Variants in FGFR3 observed in about 807,000 individuals in gnomAD.
FGFR3 encodes FGFR-3.
In FGFR3, 25 loss-of-function variants were observed where a neutral mutation model predicts 82.9. The ratio of observed to expected loss-of-function variants is 0.30; its 90% CI spans 0.22 to 0.42. The LOEUF is 0.42. Among genes scored for constraint, FGFR3 ranks in the 10% least tolerant of loss-of-function variants. The probability of loss-of-function intolerance (pLI) is 1.00; values close to 1 mark genes in which losing one functional copy is unlikely to be tolerated. For synonymous variants in FGFR3, 620 were observed against 516.0 expected (o/e 1.20, Z -2.73); for missense variants, 1,026 against 1,161.0 (o/e 0.88, Z 1.69).
chr4:1,806,486 G>A (rs953651380), intron 15 of FGFR3, 60 bp from the exon 16 acceptor site: 2 of 1,612,014 alleles, frequency 1.2e-6, no homozygotes, highest in South Asian at 2.2e-5. Flanking sequence ...TTCCCCTGGT[G>A]CCCGCCCAGG....
Position 1,807,400 on chromosome 4 carries a change from CGTGTGTGT to C in FGFR3, c.*150_*157del, listed in dbSNP as rs34562534. 12 of 886,312 alleles carry C rather than the reference CGTGTGTGT, an allele frequency of 1.4e-5. No individual in the cohort carries two copies. Among genetic ancestry groups the C allele is most frequent in the South Asian group, 3.0e-5 (2 of 67,110 alleles). 54.9% of individuals were successfully genotyped at this position (886,312 alleles called of 1,614,324 possible). On this transcript the variant is annotated 3_prime_UTR_variant, in exon 18 of 18. Coordinates refer to ENST00000440486, the MANE Select transcript of FGFR3 (RefSeq NM_000142.5). ...GCTTTGGTCTGTGTGTGTGTGTGTG[CGTGTGTGT>C]GTGTGTGTGTGCACATCCGCGTGTG... is the stretch of plus-strand genomic sequence containing the variant.
intron 16 of FGFR3, 43 bp downstream of exon 16, chr4:1,806,726 G>C: frequency 6.2e-7 from 1 of 1,607,790 alleles, no homozygotes; most frequent in African/African-American, 1.3e-5. Context: ...TCAGGGGTGG[G>C]GGTCCCTCCG....
chr4:1,800,991 A>T (rs1721105659), intron 4 of FGFR3, among the ~76,000 whole-genome samples: 1 of 152,100 alleles, frequency 6.6e-6, no homozygotes. Context: ...TCTCCTGGTA[A>T]ACTGCTCCCA....
chr4:1,794,135 G>C, intron 2 of FGFR3, 92 bp downstream of exon 2: 1 of 637,148 alleles, frequency 1.6e-6, no homozygotes, highest in Non-Finnish European at 2.3e-6. Flanking sequence ...AGGGGCCGCC[G>C]GGTGTGAGTG....
At chr4:1,801,174 C>T (rs1329733817) in intron 4 of FGFR3, among the ~76,000 whole-genome samples, 193 bp from the exon 5 acceptor site, 1 of 152,198 alleles carries the variant, frequency 6.6e-6, no homozygotes, top group African/African-American at 2.4e-5. Context: ...AGGGGACACA[C>T]GGCCCAGCTC....
At chr4:1,804,234 G>A in intron 8 of FGFR3, 96 bp from the exon 9 acceptor site, 8 of 1,400,336 alleles carry the variant, frequency 5.7e-6, no homozygotes, top group South Asian at 1.4e-5. Flanking sequence ...GCCCCCTTCC[G>A]CTCCCAGTGG....
chr4:1,806,984 C>T lies in FGFR3; in HGVS notation c.2274+50C>T, dbSNP rs756761813. ...CCACCCGCCTATGCCCCTCCCCCTG[C>T]CGTCCCCGGCCATCCTGCCCCCCAG... On this transcript the variant is annotated intron_variant, in intron 17 of 17. Coordinates refer to ENST00000440486, the MANE Select transcript of FGFR3 (RefSeq NM_000142.5). The T allele has an allele frequency of 7.4e-5, 116 of 1,561,414 alleles. 1 individual carries two copies. Among genetic ancestry groups the T allele is most frequent in the Non-Finnish European group, 9.5e-5 (110 of 1,152,616 alleles).
rs1259158025 is a variant in FGFR3, at chr4:1,801,540, G to A, written c.615+4G>A. Reference sequence around the variant, plus strand: ...GCACCGCATTGGAGGCATCAAGGTGGGCGCGGCGGGGTGGCTCTGGGCCTG... The same window carrying A: ...GCACCGCATTGGAGGCATCAAGGTGAGCGCGGCGGGGTGGCTCTGGGCCTG... On this transcript the variant is annotated splice_donor_region_variant and intron_variant, in intron 5 of 17. Transcript: ENST00000440486. 6.3e-7 allele frequency: 1 copy of A among 1,575,358 alleles called. No homozygotes were observed. Among genetic ancestry groups the A allele is most frequent in the African/African-American group, 1.3e-5 (1 of 74,318 alleles).
At chr4:1,794,705 C>G (rs17881768) in intron 2 of FGFR3, among the ~76,000 whole-genome samples, 22,118 of 152,052 alleles carry the variant, frequency 0.15, 1,801 homozygotes, top group Middle Eastern at 0.29. Context: ...AAGGGAGGTC[C>G]CAAGGGGCGA....
At chr4:1,803,144 G>A (rs904646746) in intron 7 of FGFR3, 152 of 1,388,998 alleles carry the variant, frequency 1.1e-4, no homozygotes, top group Middle Eastern at 8.7e-4. Flanking sequence ...CGCCCCGCAC[G>A]CCCAGCCCTG....
chr4:1,795,697 C>G (rs1480001998), intron 2 of FGFR3, among the ~76,000 whole-genome samples: 2 of 152,190 alleles, frequency 1.3e-5, no homozygotes, highest in Admixed American at 6.5e-5. Flanking sequence ...GCCCCCATCT[C>G]CCCAGGGGGC....
chr4:1,796,640 C>T (rs1011935718), intron 2 of FGFR3, among the ~76,000 whole-genome samples: 2 of 152,186 alleles, frequency 1.3e-5, no homozygotes, highest in South Asian at 2.1e-4. Context: ...CTCCCCCATC[C>T]TCTCAGCCAT....
rs1338905300 is a variant in FGFR3 at position 1,802,038 on chromosome 4, G to T, written c.930+13G>T. 3 of 1,606,090 alleles carry T rather than the reference G, an allele frequency of 1.9e-6. No individual in the cohort carries two copies. Among genetic ancestry groups the T allele is most frequent in the Non-Finnish European group, 8.5e-7 (1 of 1,176,598 alleles). Reference sequence around the variant, plus strand: ...TACCGTGCTCAAGGTGGGCCACCGTGTGCACGTGGGTGCCGCCGCTGGGGC... The same window carrying T: ...TACCGTGCTCAAGGTGGGCCACCGTTTGCACGTGGGTGCCGCCGCTGGGGC... On this transcript the variant is annotated intron_variant, in intron 7 of 17. Coordinates refer to ENST00000440486, the MANE Select transcript of FGFR3 (RefSeq NM_000142.5).
chr4:1,803,642 C>T (rs1174398242), intron 7 of FGFR3, 50 bp from the exon 8 acceptor site: 2 of 1,598,724 alleles, frequency 1.3e-6, no homozygotes, highest in Admixed American at 1.7e-5. Context: ...CTGTGCGGTG[C>T]CCGCAGGGCG....
rs368518454 is a variant in FGFR3 at position 1,806,265 on chromosome 4, G to T, written c.1968G>T (p.Leu656=). The T allele has an allele frequency of 6.2e-7, 1 of 1,612,980 alleles. No homozygotes were observed. The highest frequency in any genetic ancestry group is 1.1e-5 in the South Asian group (1 of 91,090). Residue 656 remains leucine, a synonymous_variant, in exon 15 of 18, where the codon CTG becomes CTT. Transcript: ENST00000440486. ...DYYKKTTNGR[L]PVKWMAPEAL... ...TTCCCACACCCTCCCAGGGCCGGCT[G>T]CCCGTGAAGTGGATGGCGCCTGAGG... is the stretch of plus-strand genomic sequence containing the variant.
intron 4 of FGFR3, among the ~76,000 whole-genome samples, chr4:1,800,112 G>A (rs1418382240): frequency 6.6e-6 from 1 of 152,028 alleles, no homozygotes; most frequent in Non-Finnish European, 1.5e-5. Context: ...GTGGGGCTCT[G>A]GTGTTGGCTA....
chr4:1,796,130 T>A (rs1720482823), intron 2 of FGFR3, among the ~76,000 whole-genome samples: 1 of 152,116 alleles, frequency 6.6e-6, no homozygotes, highest in Non-Finnish European at 1.5e-5. Context: ...CCTGAGTGAT[T>A]CAGGAGTGAA....
intron 2 of FGFR3, among the ~76,000 whole-genome samples, chr4:1,796,154 G>C (rs1720484730): frequency 6.6e-6 from 1 of 152,196 alleles, no homozygotes; most frequent in East Asian, 1.9e-4. Context: ...GCCAGGAGTG[G>C]AGCCACCTTT....
intron 2 of FGFR3, among the ~76,000 whole-genome samples, chr4:1,798,533 C>T (rs1327898365): frequency 2.0e-5 from 3 of 151,938 alleles, no homozygotes; most frequent in Non-Finnish European, 4.4e-5. Context: ...CCAAGGAGCC[C>T]CCACCCCCGC....
Sources: allele counts gnomAD v4.1 joint callset (sites outside exome capture counted in the v4.1 genomes callset), GRCh38; gene constraint gnomAD v4.1.1; transcripts MANE v1.5; gene names NCBI Gene and HGNC (gene_info 2026-07-23, HGNC 2026-07-21).